The following AGBL4 variants were observed in gnomAD, a reference collection of about 807,000 sequenced individuals.
AGBL4 encodes AGBL carboxypeptidase 4.
In AGBL4, 58 loss-of-function variants were observed where a neutral mutation model predicts 66.4. That is an observed-to-expected ratio of 0.87 (90% CI 0.71 to 1.09). The LOEUF is 1.09. Among genes scored for constraint, AGBL4 ranks in the 50% least tolerant of loss-of-function variants. AGBL4 has a pLI of 0.00. For missense variants in AGBL4, 579 were observed against 631.0 expected, an observed-to-expected ratio of 0.92 and a Z score of 0.88; for synonymous variants, 234 against 222.9, an observed-to-expected ratio of 1.05 and a Z score of -0.44.
chr1:49,658,073 C>A (rs886732030), intron 3 of AGBL4, among the ~76,000 whole-genome samples: 18 of 152,108 alleles, frequency 1.2e-4, no homozygotes, highest in African/African-American at 3.9e-4. Context: ...AATAGGCAAC[C>A]TACAGAATGG....
intron 6 of AGBL4, among the ~76,000 whole-genome samples, chr1:48,747,049 C>T (rs1177377838): frequency 1.3e-5 from 2 of 152,214 alleles, no homozygotes; most frequent in Non-Finnish European, 2.9e-5. Flanking sequence ...TGGCAATTTA[C>T]ATCTCATTAC....
chr1:49,752,516 C>T (rs563385873), intron 2 of AGBL4, among the ~76,000 whole-genome samples: 29 of 152,176 alleles, frequency 1.9e-4, no homozygotes, highest in African/African-American at 6.5e-4. Context: ...AGAATAAGTG[C>T]TATGTGGTCC....
intron 2 of AGBL4, among the ~76,000 whole-genome samples, chr1:49,749,343 C>G (rs1247136711): frequency 6.6e-6 from 1 of 152,124 alleles, no homozygotes; most frequent in African/African-American, 2.4e-5. Flanking sequence ...TCTGAGGCCT[C>G]TGTTCTGTCC....
intron 3 of AGBL4, among the ~76,000 whole-genome samples, chr1:49,502,301 G>A (rs993392155): frequency 3.3e-5 from 5 of 152,060 alleles, no homozygotes; most frequent in Non-Finnish European, 1.5e-5. Context: ...TATTGTGGTA[G>A]TTCACATTGT....
At chr1:49,475,164 C>T (rs1355883326) in intron 3 of AGBL4, among the ~76,000 whole-genome samples, 6 of 152,006 alleles carry the variant, frequency 3.9e-5, no homozygotes, top group Middle Eastern at 3.4e-3. Flanking sequence ...TGGATGTTAT[C>T]GCATGCTTTT....
intron 6 of AGBL4, among the ~76,000 whole-genome samples, chr1:48,734,242 A>G (rs918080034): frequency 6.6e-6 from 1 of 152,214 alleles, no homozygotes; most frequent in African/African-American, 2.4e-5. Context: ...AACAAGCCCC[A>G]GACCAGAGTC....
At chr1:49,543,877 G>A (rs893544992) in intron 3 of AGBL4, among the ~76,000 whole-genome samples, 1 of 152,162 alleles carries the variant, frequency 6.6e-6, no homozygotes, top group Non-Finnish European at 1.5e-5. Context: ...CACAAAAGTG[G>A]TAGAAAGAAG....
intron 5 of AGBL4, among the ~76,000 whole-genome samples, chr1:48,868,062 C>T (rs1218314643): frequency 6.6e-6 from 1 of 152,202 alleles, no homozygotes; most frequent in Admixed American, 6.5e-5. Context: ...AGACTTGAGT[C>T]AGGGTTCCTT....
intron 6 of AGBL4, among the ~76,000 whole-genome samples, chr1:48,781,773 C>G (rs1645298168): frequency 6.6e-6 from 1 of 152,234 alleles, no homozygotes; most frequent in Admixed American, 6.5e-5. Context: ...TTCACCAAGA[C>G]TCTCACGCCT....
At chr1:49,056,156 A>G (rs1644304348) in intron 4 of AGBL4, among the ~76,000 whole-genome samples, 1 of 152,058 alleles carries the variant, frequency 6.6e-6, no homozygotes, top group Non-Finnish European at 1.5e-5. Flanking sequence ...CCTTCAATAA[A>G]TACTGCCTGT....
At chr1:48,846,117 G>A (rs1468332445) in intron 6 of AGBL4, among the ~76,000 whole-genome samples, 1 of 152,026 alleles carries the variant, frequency 6.6e-6, no homozygotes, top group Non-Finnish European at 1.5e-5. Context: ...CCACAACCTG[G>A]GAGCTATCAT....
intron 3 of AGBL4, among the ~76,000 whole-genome samples, chr1:49,676,157 G>GT (rs1453412433): frequency 6.6e-6 from 1 of 151,906 alleles, no homozygotes; most frequent in Non-Finnish European, 1.5e-5. Context: ...TGAGCAATTT[G>GT]GTAAAAGTAA....
intron 2 of AGBL4, among the ~76,000 whole-genome samples, chr1:49,791,795 C>T (rs554000601): frequency 3.3e-5 from 5 of 152,128 alleles, no homozygotes; most frequent in South Asian, 4.1e-4. Context: ...TTACTAAATT[C>T]TTTCCCTCTT....
At chr1:49,690,189 G>T (rs967962453) in intron 3 of AGBL4, among the ~76,000 whole-genome samples, 1 of 152,132 alleles carries the variant, frequency 6.6e-6, no homozygotes, top group Non-Finnish European at 1.5e-5. Flanking sequence ...TAGACATAAT[G>T]CTATTGCACA....
intron 5 of AGBL4, among the ~76,000 whole-genome samples, chr1:48,879,267 G>T (rs914863790): frequency 2.6e-5 from 4 of 151,650 alleles, no homozygotes; most frequent in African/African-American, 9.7e-5. Flanking sequence ...CTGTTGAGAG[G>T]GGTCAGTGTG....
At chr1:48,826,545 A>C (rs1484440569) in intron 6 of AGBL4, among the ~76,000 whole-genome samples, 1 of 152,194 alleles carries the variant, frequency 6.6e-6, no homozygotes, top group African/African-American at 2.4e-5. Flanking sequence ...AGAGCCTAGG[A>C]ATCAGATGAA....
chr1:49,245,257 T>TACACACACAC (rs139244286), intron 4 of AGBL4, among the ~76,000 whole-genome samples: 14 of 139,146 alleles, frequency 1.0e-4, no homozygotes, highest in African/African-American at 1.3e-4. Flanking sequence ...AACTTTAAAA[T>TACACACACAC]ACACACACAC....
intron 3 of AGBL4, among the ~76,000 whole-genome samples, chr1:49,439,697 G>GA (rs1418679363): frequency 6.6e-6 from 1 of 152,112 alleles, no homozygotes; most frequent in Non-Finnish European, 1.5e-5. Flanking sequence ...AAAGCAGGCA[G>GA]AAAAACGTGA....
intron 3 of AGBL4, among the ~76,000 whole-genome samples, chr1:49,628,854 T>G (rs1036743104): frequency 6.6e-6 from 1 of 152,178 alleles, no homozygotes; most frequent in Admixed American, 6.5e-5. Flanking sequence ...AAAGAATATG[T>G]GTGACAAAGA....
Sources: gnomAD v4.1 joint callset for allele counts (sites outside exome capture counted in the v4.1 genomes callset) on GRCh38, gnomAD v4.1.1 for gene constraint, MANE v1.5 for transcripts, NCBI Gene and HGNC (gene_info 2026-07-23, HGNC 2026-07-21) for gene names.